The following MORC1 variants were observed in gnomAD, a reference collection of about 807,000 sequenced individuals.
MORC1 encodes the protein MORC family CW-type zinc finger protein 1.
MORC1 carries 59 observed loss-of-function variants against 134.9 expected under a neutral mutation model. The ratio of observed to expected loss-of-function variants is 0.44; its 90% CI spans 0.35 to 0.54. The LOEUF (loss-of-function observed/expected upper bound fraction) is 0.54. Ranked by LOEUF, MORC1 falls within the 20% of genes least tolerant of loss-of-function variation. The pLI is 0.00. For missense variants in MORC1, 947 were observed against 1,134.5 expected (o/e 0.83, Z 2.37); for synonymous variants, 395 against 391.7 (o/e 1.01, Z -0.10).
At chr3:108,961,858 T>C in intron 27 of MORC1, among the ~76,000 whole-genome samples, 1 of 152,234 alleles carries the variant, frequency 6.6e-6, no homozygotes, top group East Asian at 1.9e-4. Flanking sequence ...GTGGATTTGC[T>C]ATTATGAAAG....
intron 23 of MORC1, among the ~76,000 whole-genome samples, chr3:108,983,651 A>G (rs556207653): frequency 6.0e-4 from 92 of 152,314 alleles, no homozygotes; most frequent in African/African-American, 2.1e-3. Flanking sequence ...TGCATGTCAG[A>G]TCACAGAATT....
chr3:109,063,529 T>C (rs540794202), intron 9 of MORC1, among the ~76,000 whole-genome samples: 1 of 152,182 alleles, frequency 6.6e-6, no homozygotes, highest in African/African-American at 2.4e-5. Context: ...AAAAATTCTA[T>C]GAAGTTGTTC....
chr3:109,103,626 A>C (rs1279490278), intron 4 of MORC1, among the ~76,000 whole-genome samples: 1 of 152,188 alleles, frequency 6.6e-6, no homozygotes, highest in Non-Finnish European at 1.5e-5. Context: ...TTTTTCTGAC[A>C]ATATTAATAT....
chr3:109,000,738 T>C, intron 20 of MORC1, 80 bp from the exon 21 acceptor site: 2 of 1,039,956 alleles, frequency 1.9e-6, no homozygotes, highest in African/African-American at 1.6e-5. Flanking sequence ...CACTCTTCAT[T>C]CTGCCTCTAC....
intron 5 of MORC1, among the ~76,000 whole-genome samples, chr3:109,100,010 G>A (rs1304091874): frequency 2.0e-5 from 3 of 152,146 alleles, no homozygotes; most frequent in Non-Finnish European, 2.9e-5. Flanking sequence ...TTGGGAGGCC[G>A]AGGCGGGCTG....
chr3:108,999,560 A>G (rs932920668), intron 21 of MORC1, among the ~76,000 whole-genome samples: 3 of 152,258 alleles, frequency 2.0e-5, no homozygotes, highest in Non-Finnish European at 2.9e-5. Flanking sequence ...AGAAGAAATG[A>G]TATGTCTCTC....
intron 3 of MORC1, among the ~76,000 whole-genome samples, chr3:109,107,980 T>C (rs911839111): frequency 2.0e-5 from 3 of 152,070 alleles, no homozygotes; most frequent in Non-Finnish European, 4.4e-5. Flanking sequence ...GGGAATCACT[T>C]GAGGTCAGGA....
At chr3:109,002,347 C>T (rs1948427732) in intron 20 of MORC1, among the ~76,000 whole-genome samples, 1 of 152,084 alleles carries the variant, frequency 6.6e-6, no homozygotes, top group East Asian at 1.9e-4. Context: ...GTGTATCAGT[C>T]CCCCATGGCC....
At chr3:109,047,809 T>C (rs1043817778) in intron 14 of MORC1, among the ~76,000 whole-genome samples, 1 of 152,192 alleles carries the variant, frequency 6.6e-6, no homozygotes, top group Non-Finnish European at 1.5e-5. Flanking sequence ...GGTAACCAAG[T>C]AGTAGATGAA....
At chr3:109,013,000 T>C (rs1351110034) in intron 17 of MORC1, among the ~76,000 whole-genome samples, 1 of 152,164 alleles carries the variant, frequency 6.6e-6, no homozygotes, top group Non-Finnish European at 1.5e-5. Context: ...GGGAGAACAT[T>C]GATTCTTTCA....
intron 14 of MORC1, among the ~76,000 whole-genome samples, chr3:109,038,788 T>C (rs1272680160): frequency 2.0e-5 from 3 of 152,200 alleles, no homozygotes; most frequent in Non-Finnish European, 4.4e-5. Context: ...TTCTGTTCCA[T>C]TGGTCTATAT....
At chr3:109,036,916 C>T (rs2107621072) in intron 14 of MORC1, among the ~76,000 whole-genome samples, 1 of 152,278 alleles carries the variant, frequency 6.6e-6, no homozygotes, top group South Asian at 2.1e-4. Flanking sequence ...CAAGCAATTC[C>T]ATCTTAAATA....
chr3:109,061,700 C>T (rs1342215171), intron 11 of MORC1, among the ~76,000 whole-genome samples: 1 of 152,048 alleles, frequency 6.6e-6, no homozygotes. Flanking sequence ...TGTTACTTTC[C>T]TTTCCATTTT....
intron 20 of MORC1, among the ~76,000 whole-genome samples, chr3:109,004,217 A>G (rs1948483295): frequency 6.6e-6 from 1 of 152,220 alleles, no homozygotes. Context: ...TGCTAATTAA[A>G]TAAGTTTATG....
intron 18 of MORC1, among the ~76,000 whole-genome samples, chr3:109,006,630 G>C (rs958919838): frequency 1.8e-4 from 27 of 152,146 alleles, no homozygotes; most frequent in African/African-American, 6.5e-4. Context: ...CATAAGAACA[G>C]ACATTTGAGG....
intron 6 of MORC1, among the ~76,000 whole-genome samples, chr3:109,095,495 G>T (rs1950816052): frequency 6.6e-6 from 1 of 152,120 alleles, no homozygotes; most frequent in African/African-American, 2.4e-5. Flanking sequence ...CTAGAGTTGG[G>T]GTAGGGGGAG....
chr3:109,091,900 G>A (rs1404289880), intron 8 of MORC1, among the ~76,000 whole-genome samples: 1 of 152,186 alleles, frequency 6.6e-6, no homozygotes, highest in Non-Finnish European at 1.5e-5. Flanking sequence ...AATGGCTAGA[G>A]AAGCTCTGGC....
chr3:109,114,917 C>T (rs1951238428), intron 1 of MORC1, among the ~76,000 whole-genome samples: 1 of 152,240 alleles, frequency 6.6e-6, no homozygotes, highest in Admixed American at 6.5e-5. Flanking sequence ...TATTTTTCTG[C>T]AGAATCTTTC....
chr3:109,053,978 T>C (rs745599833), intron 14 of MORC1, among the ~76,000 whole-genome samples: 6 of 152,116 alleles, frequency 3.9e-5, no homozygotes, highest in Non-Finnish European at 8.8e-5. Flanking sequence ...TTTTTAACTA[T>C]GCAAAACAAA....
Sources: gnomAD v4.1 joint callset for allele counts (sites outside exome capture counted in the v4.1 genomes callset) on GRCh38, gnomAD v4.1.1 for gene constraint, MANE v1.5 for transcripts, NCBI Gene and HGNC (gene_info 2026-07-23, HGNC 2026-07-21) for gene names.